Variants in ARHGAP5 observed in about 807,000 individuals in gnomAD.
The protein encoded by ARHGAP5 is rho GTPase-activating protein 5.
A neutral mutation model predicts 116.6 loss-of-function variants in ARHGAP5; 23 were observed. The observed-to-expected ratio is 0.20, with a 90% CI of 0.14 to 0.28. The LOEUF (loss-of-function observed/expected upper bound fraction) is 0.28. Among genes scored for constraint, ARHGAP5 ranks in the 10% least tolerant of loss-of-function variants. The probability of loss-of-function intolerance (pLI) is 1.00; values close to 1 mark genes in which losing one functional copy is unlikely to be tolerated. For synonymous variants in ARHGAP5, 574 were observed against 602.0 expected, an observed-to-expected ratio of 0.95 and a Z score of 0.68; for missense variants, 1,405 against 1,774.8, an observed-to-expected ratio of 0.79 and a Z score of 3.74.
chr14:32,124,023 C>T (rs1880021338), intron 3 of ARHGAP5, among the ~76,000 whole-genome samples: 1 of 152,146 alleles, frequency 6.6e-6, no homozygotes, highest in South Asian at 2.1e-4. Context: ...ATCCGATACT[C>T]TTTCTCTGTG....
At chr14:32,085,427 A>G (rs1399314623) in intron 1 of ARHGAP5, among the ~76,000 whole-genome samples, 1 of 152,206 alleles carries the variant, frequency 6.6e-6, no homozygotes, top group Non-Finnish European at 1.5e-5. Flanking sequence ...TCCAGCCTAG[A>G]TGACAGATTA....
At chr14:32,146,210 C>A in intron 3 of ARHGAP5, 53 bp from the exon 4 acceptor site, 2 of 1,329,924 alleles carry the variant, frequency 1.5e-6, no homozygotes, top group East Asian at 2.3e-5. Context: ...TGTGCCCAGC[C>A]GTGTGGATAT....
chr14:32,127,889 C>G (rs548086877), intron 3 of ARHGAP5, among the ~76,000 whole-genome samples: 4 of 150,414 alleles, frequency 2.7e-5, no homozygotes, highest in Non-Finnish European at 5.9e-5. Context: ...ACTTCTCAGA[C>G]GGGGCGGCTG....
Position 32,155,007 on chromosome 14 carries a change from T to A in ARHGAP5, c.*59T>A. 6.9e-7 allele frequency: 1 copy of A among 1,456,882 alleles called. No individual in the cohort carries two copies. Among genetic ancestry groups the A allele is most frequent in the Non-Finnish European group, 9.4e-7 (1 of 1,060,244 alleles). The allele number at this position is 1,456,882 out of a possible 1,614,324, so 90.2% of individuals were successfully genotyped here. On this transcript the variant is annotated 3_prime_UTR_variant, in exon 7 of 7. Transcript: ENST00000345122. ...CAAAAAGCAAATCTAGACATGCATG[T>A]TTCAGGGTTCAGTAGTATACTTCAT...
In ARHGAP5 at chr14:32,091,740, A is replaced by G. The variant is rs1878258802; in HGVS notation, c.1071A>G (p.Glu357=). 1 of 1,613,456 alleles carries G rather than the reference A, an allele frequency of 6.2e-7. No individual in the cohort carries two copies. Among genetic ancestry groups the G allele is most frequent in the Non-Finnish European group, 8.5e-7 (1 of 1,179,624 alleles). ...TTTTGCCAAATCTAGAAGAGATTGA[A>G]CATTTGAATTGGTCAGAAGCTTTGA... is the stretch of plus-strand genomic sequence containing the variant. ...NTLLPNLEEI[E]HLNWSEALKL... The change falls in exon 2 of 7, where the codon GAA becomes GAG. Residue 357 remains glutamate (E), a synonymous_variant. Transcript: ENST00000345122.
In ARHGAP5 at chr14:32,159,315, A is replaced by G. The variant is rs1594407058; in HGVS notation, c.*4367A>G. The G allele has an allele frequency of 6.6e-6, 1 of 152,242 alleles. No individual in the cohort carries two copies. Among genetic ancestry groups the G allele is most frequent in the East Asian group, 1.9e-4 (1 of 5,190 alleles). The allele number at this position is 152,242 out of a possible 1,614,324, so 9.4% of individuals were successfully genotyped here. On this transcript the variant is annotated 3_prime_UTR_variant, in exon 7 of 7. Transcript: ENST00000345122. ...TTTATTCTCACAATTCAGATTTTCT[A>G]TTCAGTTTTGTCTCAAATAGTAAGT...
chr14:32,093,156 A>G lies in ARHGAP5; in HGVS notation c.2487A>G (p.Ile829Met). The G allele has an allele frequency of 6.2e-7, 1 of 1,614,044 alleles. No individual in the cohort carries two copies. The highest frequency in any genetic ancestry group is 8.5e-7 in the Non-Finnish European group (1 of 1,179,942). Residue 829 changes from isoleucine to methionine, a missense_variant, in exon 2 of 7, where the codon ATA (isoleucine) becomes ATG (methionine). Ile to Met is a conservative substitution (Grantham distance 10, BLOSUM62 1). Around this residue, in one of 6 missense-constraint regions of ARHGAP5, gnomAD observed 944 missense variants for 1,095.3 expected, o/e 0.86. Coordinates refer to ENST00000345122, the MANE Select transcript of ARHGAP5 (RefSeq NM_001030055.2). ...TCATTGGTGAAAAAAGGAGGCGAAT[A>G]CAGATCACAATATTATCATACCACT... ...DKIIGEKRRR[I>M]QITILSYHSS...
At chr14:32,140,844 T>C (rs753575873) in intron 3 of ARHGAP5, among the ~76,000 whole-genome samples, 2 of 152,156 alleles carry the variant, frequency 1.3e-5, no homozygotes, top group Non-Finnish European at 2.9e-5. Flanking sequence ...CTAGTCGGTT[T>C]TTAGTGTTCA....
At chr14:32,085,471 A>C (rs1354782805) in intron 1 of ARHGAP5, among the ~76,000 whole-genome samples, 2 of 152,170 alleles carry the variant, frequency 1.3e-5, no homozygotes. Context: ...AAAAAACAGT[A>C]AAGTAATGCA....
In ARHGAP5 at chr14:32,149,233, C is replaced by A. The variant is rs1473317005; in HGVS notation, c.3944-669C>A. On this transcript the variant is annotated intron_variant, in intron 4 of 6. Coordinates refer to ENST00000345122, the MANE Select transcript of ARHGAP5 (RefSeq NM_001030055.2). ...GTCTCACTATGTTGCCCAGGCTGGA[C>A]TTAAACTCCTGGGCTCAAGTGATCC... 2.0e-5 allele frequency among the ~76,000 whole-genome samples: 3 copies of A among 150,452 alleles called. No individual in the cohort carries two copies. The East Asian group carries it at 5.8e-4, about 29-fold the overall frequency.
chr14:32,084,674 C>T (rs1213084615), intron 1 of ARHGAP5, among the ~76,000 whole-genome samples: 1 of 152,168 alleles, frequency 6.6e-6, no homozygotes, highest in Non-Finnish European at 1.5e-5. Flanking sequence ...TTGGTTCTCT[C>T]TTCATTTGCC....
intron 3 of ARHGAP5, among the ~76,000 whole-genome samples, chr14:32,123,179 A>G (rs1306580269): frequency 1.3e-5 from 2 of 152,062 alleles, no homozygotes; most frequent in African/African-American, 4.8e-5. Context: ...TAATTTTAAT[A>G]ATCTTAGTAT....
At chr14:32,139,392 T>C (rs1347863624) in intron 3 of ARHGAP5, among the ~76,000 whole-genome samples, 1 of 152,188 alleles carries the variant, frequency 6.6e-6, no homozygotes, top group African/African-American at 2.4e-5. Context: ...CTCATTTGTT[T>C]ATAGAGCTGT....
intron 3 of ARHGAP5, among the ~76,000 whole-genome samples, chr14:32,140,999 G>A (rs1283743494): frequency 6.6e-6 from 1 of 152,088 alleles, no homozygotes; most frequent in East Asian, 1.9e-4. Flanking sequence ...CTCTTGTTAG[G>A]TGCATTTATG....
intron 2 of ARHGAP5, among the ~76,000 whole-genome samples, chr14:32,114,185 G>A (rs957596682): frequency 5.3e-5 from 8 of 150,818 alleles, no homozygotes; most frequent in African/African-American, 1.7e-4. Flanking sequence ...CTGAGATCAC[G>A]CCACTGCACT....
chr14:32,082,552 A>G (rs1030070722), intron 1 of ARHGAP5, among the ~76,000 whole-genome samples: 2 of 151,876 alleles, frequency 1.3e-5, no homozygotes, highest in East Asian at 3.9e-4. Flanking sequence ...TTAATTAATT[A>G]ATTTTTTTTT....
chr14:32,077,517 C>G, intron 1 of ARHGAP5, 82 bp downstream of exon 1: 3 of 647,866 alleles, frequency 4.6e-6, no homozygotes, highest in South Asian at 3.3e-5. Flanking sequence ...CTGCCCCGCT[C>G]GGTCGCCGCT....
chr14:32,140,058 TTC>T (rs200484738), intron 3 of ARHGAP5, among the ~76,000 whole-genome samples: 2 of 147,442 alleles, frequency 1.4e-5, no homozygotes, highest in African/African-American at 2.5e-5. Context: ...CCACTTCCTT[TTC>T]TCTCTCTTTT....
intron 2 of ARHGAP5, among the ~76,000 whole-genome samples, chr14:32,102,499 G>A (rs528569633): frequency 2.0e-5 from 3 of 152,342 alleles, no homozygotes; most frequent in South Asian, 2.1e-4. Flanking sequence ...GCAGTGAACT[G>A]TGACTGCACC....
Sources: allele counts gnomAD v4.1 joint callset (sites outside exome capture counted in the v4.1 genomes callset), GRCh38; gene constraint gnomAD v4.1.1; regional missense constraint gnomAD v4.1.1; transcripts MANE v1.5; gene names NCBI Gene and HGNC (gene_info 2026-07-23, HGNC 2026-07-21).